Variants in NRG1 observed in about 807,000 individuals in gnomAD.
NRG1 encodes the protein pro-neuregulin-1, membrane-bound isoform.
NRG1 carries 18 observed loss-of-function variants against 63.8 expected under a neutral mutation model. The ratio of observed to expected loss-of-function variants is 0.28; its 90% CI spans 0.19 to 0.42. NRG1 has a LOEUF of 0.42. Among genes scored for constraint, NRG1 ranks in the 10% least tolerant of loss-of-function variants. The pLI, the probability that NRG1 is intolerant of heterozygous loss-of-function variation, is 1.00. For synonymous variants in NRG1, 302 were observed against 301.3 expected (o/e 1.00, Z -0.02); for missense variants, 762 against 814.7 (o/e 0.94, Z 0.79).
At chr8:32,252,289 A>T (rs1849202532) in intron 1 of NRG1, among the ~76,000 whole-genome samples, 1 of 151,930 alleles carries the variant, frequency 6.6e-6, no homozygotes, top group African/African-American at 2.4e-5. Flanking sequence ...GTCCTGAATG[A>T]TACTGCGTCA....
At chr8:32,044,730 G>T (rs1258978360) in intron 1 of NRG1, among the ~76,000 whole-genome samples, 1 of 114,448 alleles carries the variant, frequency 8.7e-6, no homozygotes, top group African/African-American at 4.0e-5. Context: ...AAGAAGAAGT[G>T]TCAAAAAAAA....
intron 1 of NRG1, among the ~76,000 whole-genome samples, chr8:31,779,730 A>C (rs1359047436): frequency 1.3e-5 from 2 of 152,206 alleles, no homozygotes; most frequent in African/African-American, 2.4e-5. Flanking sequence ...CAGGAGACCC[A>C]AGTTCCTGTC....
chr8:31,997,529 C>T (rs1345410661), intron 1 of NRG1, among the ~76,000 whole-genome samples: 1 of 150,720 alleles, frequency 6.6e-6, no homozygotes, highest in Non-Finnish European at 1.5e-5. Flanking sequence ...TCATCAAAAA[C>T]AATTCTGCAA....
chr8:31,642,705 T>C (rs1803913604), intron 1 of NRG1, among the ~76,000 whole-genome samples: 1 of 152,174 alleles, frequency 6.6e-6, no homozygotes, highest in African/African-American at 2.4e-5. Context: ...TTGCATGTAA[T>C]CGAGTATGTT....
At chr8:32,291,868 C>T (rs1337553824) in intron 1 of NRG1, among the ~76,000 whole-genome samples, 1 of 152,072 alleles carries the variant, frequency 6.6e-6, no homozygotes, top group Non-Finnish European at 1.5e-5. Flanking sequence ...AAACAAGCAA[C>T]AGTTGAAAAT....
chr8:31,835,755 T>A (rs1265631226), intron 1 of NRG1, among the ~76,000 whole-genome samples: 1 of 152,202 alleles, frequency 6.6e-6, no homozygotes, highest in South Asian at 2.1e-4. Flanking sequence ...CCCTTCTGTA[T>A]TAACTCTCTT....
intron 1 of NRG1, among the ~76,000 whole-genome samples, chr8:32,065,792 A>G (rs1470408921): frequency 1.3e-5 from 2 of 152,212 alleles, no homozygotes; most frequent in African/African-American, 4.8e-5. Context: ...ACTAGTTTAC[A>G]GTCCCACCAA....
At chr8:32,173,730 A>G (rs1242756007) in intron 1 of NRG1, among the ~76,000 whole-genome samples, 3 of 152,242 alleles carry the variant, frequency 2.0e-5, no homozygotes, top group African/African-American at 7.2e-5. Flanking sequence ...AACAAAGATC[A>G]AAAGAGACAA....
At position 31,684,296 on chromosome 8, in the gene NRG1, G is replaced by T. The variant is rs79612295; in HGVS notation, c.37+44865G>T. Among the ~76,000 whole-genome samples the T allele has an allele frequency of 3.1e-3, 469 of 152,218 alleles. 3 individuals carry two copies. The highest frequency in any genetic ancestry group is 0.011 in the African/African-American group (451 of 41,536). On this transcript the variant is annotated intron_variant, in intron 1 of 10. Transcript: ENST00000519301. ...TAGGAGGCAATGATTAGGTAGTGAG[G>T]TCTCTGACCTCATGAATGGGACTAG... is the stretch of plus-strand genomic sequence containing the variant.
chr8:31,887,506 G>T (rs1585515761), intron 1 of NRG1, among the ~76,000 whole-genome samples: 1 of 152,022 alleles, frequency 6.6e-6, no homozygotes, highest in African/African-American at 2.4e-5. Flanking sequence ...CGAGTTCCTA[G>T]CTTGCCCTGT....
At chr8:32,429,127 G>T (rs536950906) in intron 1 of NRG1, among the ~76,000 whole-genome samples, 2 of 149,164 alleles carry the variant, frequency 1.3e-5, no homozygotes, top group Non-Finnish European at 1.5e-5. Context: ...ATGAAGTACG[G>T]TTTTTTTTTT....
intron 1 of NRG1, among the ~76,000 whole-genome samples, chr8:32,401,805 A>C (rs982324167): frequency 1.3e-5 from 2 of 152,228 alleles, no homozygotes; most frequent in Non-Finnish European, 2.9e-5. Context: ...TACCTGGGTT[A>C]CAAAATAATC....
chr8:31,720,978 T>C (rs963598000), intron 1 of NRG1, among the ~76,000 whole-genome samples: 2 of 152,174 alleles, frequency 1.3e-5, no homozygotes, highest in Non-Finnish European at 2.9e-5. Flanking sequence ...GCAGAACTGA[T>C]AGAGGGAAGC....
intron 1 of NRG1, among the ~76,000 whole-genome samples, chr8:31,989,276 ACAAAAC>A (rs1810651455): frequency 6.9e-6 from 1 of 144,754 alleles, no homozygotes; most frequent in South Asian, 2.2e-4. Context: ...AAAAAAAAGA[ACAAAAC>A]AAAAAAAAGC....
intron 1 of NRG1, among the ~76,000 whole-genome samples, chr8:32,593,162 T>A (rs1842804408): frequency 6.6e-6 from 1 of 152,086 alleles, no homozygotes; most frequent in Admixed American, 6.5e-5. Flanking sequence ...AGAAGAAAAT[T>A]CATGTATAAG....
At chr8:31,906,689 C>G (rs534250303) in intron 1 of NRG1, among the ~76,000 whole-genome samples, 19 of 152,116 alleles carry the variant, frequency 1.2e-4, no homozygotes, top group Non-Finnish European at 2.6e-4. Context: ...CATTCACCAT[C>G]TCTTTCTAGT....
At chr8:32,412,774 T>C (rs1024866251) in intron 1 of NRG1, among the ~76,000 whole-genome samples, 3 of 152,026 alleles carry the variant, frequency 2.0e-5, no homozygotes, top group Non-Finnish European at 2.9e-5. Flanking sequence ...TCTCTAAACA[T>C]AGAAAAACAC....
chr8:32,718,483 G>A (rs1035084772), intron 5 of NRG1, among the ~76,000 whole-genome samples: 4 of 152,076 alleles, frequency 2.6e-5, no homozygotes, highest in Non-Finnish European at 5.9e-5. Context: ...AAGGCTGCAG[G>A]AGAGACCATT....
At chr8:32,107,175 G>A (rs373774084) in intron 1 of NRG1, among the ~76,000 whole-genome samples, 109 of 152,116 alleles carry the variant, frequency 7.2e-4, no homozygotes, top group Non-Finnish European at 1.3e-3. Flanking sequence ...GGCGGAGGTC[G>A]CAGTGAGCCG....
Sources: gnomAD v4.1 joint callset for allele counts (sites outside exome capture counted in the v4.1 genomes callset) on GRCh38, gnomAD v4.1.1 for gene constraint, MANE v1.5 for transcripts, NCBI Gene and HGNC (gene_info 2026-07-23, HGNC 2026-07-21) for gene names.